ATP7A: variants seen among roughly 807,000 people sequenced by gnomAD.
ATP7A encodes the protein copper-transporting ATPase 1.
In ATP7A, 7 loss-of-function variants were observed where a neutral mutation model predicts 83.5. The ratio of observed to expected loss-of-function variants is 0.08; its 90% confidence interval spans 0.05 to 0.16. The LOEUF (loss-of-function observed/expected upper bound fraction) is 0.16. Ranked by LOEUF, ATP7A falls within the 10% of genes least tolerant of loss-of-function variation. The pLI, the probability that ATP7A is intolerant of heterozygous loss-of-function variation, is 1.00. For missense variants in ATP7A, 940 were observed against 1,120.8 expected (o/e 0.84, Z 2.30); for synonymous variants, 354 against 395.2 (o/e 0.90, Z 1.24).
At chrX:77,952,808 G>A (rs1557226945) in intron 1 of ATP7A, among the ~76,000 whole-genome samples, 2 of 97,073 alleles carry the variant, frequency 2.1e-5, no homozygotes, top group Non-Finnish European at 4.1e-5. Flanking sequence ...TTTTTTGATA[G>A]TCTTGCTCTG....
intron 4 of ATP7A, among the ~76,000 whole-genome samples, chrX:77,995,622 CCTGA>C (rs1376203907): frequency 9.2e-5 from 10 of 108,476 alleles, no homozygotes; most frequent in African/African-American, 3.0e-4. Context: ...TGCCTTTTAT[CCTGA>C]CTATCTGTAT....
intron 6 of ATP7A, among the ~76,000 whole-genome samples, chrX:78,004,340 T>G (rs2077759223): frequency 8.9e-6 from 1 of 112,357 alleles, no homozygotes; most frequent in Non-Finnish European, 1.9e-5. Flanking sequence ...AAAGAGAAAC[T>G]TGCATCTTTT....
In ATP7A at chrX:78,049,711, T is replaced by G. The variant is rs1557239629; in HGVS notation, c.*3141T>G. 1 of 112,792 alleles carries G rather than the reference T, an allele frequency of 8.9e-6. No homozygotes were observed. Among genetic ancestry groups the G allele is most frequent in the Non-Finnish European group, 1.9e-5 (1 of 53,243 alleles). The allele number at this position is 112,792 out of a possible 1,213,427, so 9.3% of individuals were successfully genotyped here. ...AAAAAGTATTCTTTATTCATATGTA[T>G]AGAATGCTTAAAATAGCACTGTAGA... On this transcript the variant is annotated 3_prime_UTR_variant, in exon 23 of 23. Transcript: ENST00000341514.
chrX:77,968,897 C>A, intron 1 of ATP7A: 1 of 1,210,559 alleles, frequency 8.3e-7, no homozygotes, highest in Non-Finnish European at 1.1e-6. Flanking sequence ...TTGCCCTGGG[C>A]AGCCACAGCT....
rs904081486 is a variant in ATP7A, at chrX:77,983,807, C to T, written c.121-4435C>T. Among the ~76,000 whole-genome samples, 4 of 110,371 alleles carry T rather than the reference C, an allele frequency of 3.6e-5. No individual in the cohort carries two copies. In the Admixed American group the frequency reaches 3.9e-4, roughly 11 times the overall value. Reference sequence around the variant, plus strand: ...TCAAGCGATTCTTGTGCCTCAGCCTCTTGAGTAGCTGGGATTACAGGCGCC... The same window carrying T: ...TCAAGCGATTCTTGTGCCTCAGCCTTTTGAGTAGCTGGGATTACAGGCGCC... On this transcript the variant is annotated intron_variant, in intron 2 of 22. Coordinates refer to ENST00000341514, the MANE Select transcript of ATP7A (RefSeq NM_000052.7).
chrX:77,962,849 G>A, intron 1 of ATP7A: 1 of 377,256 alleles, frequency 2.7e-6, no homozygotes, highest in Non-Finnish European at 5.3e-6. Flanking sequence ...AAACATGACG[G>A]GACCTCTTGA....
chrX:77,927,996 G>A (rs1557223789), intron 1 of ATP7A, among the ~76,000 whole-genome samples: 1 of 110,542 alleles, frequency 9.0e-6, no homozygotes, highest in Non-Finnish European at 1.9e-5. Context: ...CTTTTTTTGA[G>A]ACGGGGTCTC....
At chrX:77,987,995 A>C (rs2077648140) in intron 2 of ATP7A, among the ~76,000 whole-genome samples, 1 of 111,530 alleles carries the variant, frequency 9.0e-6, no homozygotes, top group Non-Finnish European at 1.9e-5. Context: ...GTTTGTCAAT[A>C]TACATGTTTC....
chrX:77,940,627 A>C (rs2077346336), intron 1 of ATP7A, among the ~76,000 whole-genome samples: 1 of 111,579 alleles, frequency 9.0e-6, no homozygotes, highest in Non-Finnish European at 1.9e-5. Context: ...CAAACAGATA[A>C]AAGATAAACA....
At chrX:77,933,070 C>T (rs1294593298) in intron 1 of ATP7A, among the ~76,000 whole-genome samples, 1 of 112,327 alleles carries the variant, frequency 8.9e-6, no homozygotes, top group Non-Finnish European at 1.9e-5. Flanking sequence ...GCTGGAATGA[C>T]AGCAGTGAAC....
intron 12 of ATP7A, among the ~76,000 whole-genome samples, chrX:78,017,099 C>T (rs781961645): frequency 1.5e-4 from 17 of 112,798 alleles, no homozygotes; most frequent in South Asian, 1.4e-3. Flanking sequence ...CATTTCCATA[C>T]ATCCTCTGAA....
chrX:77,910,900 G>A (rs2077156418), intron 1 of ATP7A, 65 bp downstream of exon 1: 1 of 112,168 alleles, frequency 8.9e-6, no homozygotes, highest in African/African-American at 3.2e-5. Context: ...CTGTCAGTTT[G>A]TACTACGAGT....
At chrX:77,970,432 A>T (rs2077539624) in intron 1 of ATP7A, among the ~76,000 whole-genome samples, 1 of 111,586 alleles carries the variant, frequency 9.0e-6, no homozygotes, top group Non-Finnish European at 1.9e-5. Flanking sequence ...GCACTTTGGG[A>T]GGGCGAGGCG....
At chrX:78,002,104 C>G (rs1285828606) in intron 5 of ATP7A, among the ~76,000 whole-genome samples, 5 of 107,940 alleles carry the variant, frequency 4.6e-5, no homozygotes, top group Non-Finnish European at 7.7e-5. Flanking sequence ...GGATCCTACT[C>G]TGTCACACAT....
chrX:78,031,716 T>C (rs1323440234), intron 16 of ATP7A, 134 bp downstream of exon 16: 2 of 694,402 alleles, frequency 2.9e-6, no homozygotes, highest in African/African-American at 4.3e-5. Flanking sequence ...ATTTTCTCAT[T>C]TAATTGTATG....
At chrX:77,987,306 G>A (rs1436028951) in intron 2 of ATP7A, among the ~76,000 whole-genome samples, 9 of 111,156 alleles carry the variant, frequency 8.1e-5, no homozygotes, top group African/African-American at 2.6e-4. Context: ...CTATTTACTC[G>A]TATGATCCTT....
chrX:77,949,370 TTTA>T (rs781915730), intron 1 of ATP7A, among the ~76,000 whole-genome samples: 2 of 111,699 alleles, frequency 1.8e-5, no homozygotes, highest in African/African-American at 6.5e-5. Context: ...CTTTTAGGTT[TTTA>T]TTATTACCCC....
At chrX:77,990,348 A>G (rs1557231969) in intron 4 of ATP7A, among the ~76,000 whole-genome samples, 1 of 112,288 alleles carries the variant, frequency 8.9e-6, no homozygotes, top group Non-Finnish European at 1.9e-5. Flanking sequence ...AATTTACGCC[A>G]TGTATATATT....
intron 1 of ATP7A, among the ~76,000 whole-genome samples, chrX:77,970,693 A>AAAC (rs782117965): frequency 2.7e-5 from 3 of 111,176 alleles, no homozygotes; most frequent in Admixed American, 9.6e-5. Flanking sequence ...ACAAAAACCA[A>AAAC]AACAACAACA....
Sources: gnomAD v4.1 joint callset for allele counts (sites outside exome capture counted in the v4.1 genomes callset) on GRCh38, gnomAD v4.1.1 for gene constraint, MANE v1.5 for transcripts, NCBI Gene and HGNC (gene_info 2026-07-23, HGNC 2026-07-21) for gene names.